Variants in ADIPOR2 observed in about 807,000 individuals in gnomAD.
The protein encoded by ADIPOR2 is adiponectin receptor protein 2.
ADIPOR2 carries 18 observed loss-of-function variants against 40.9 expected under a neutral mutation model. That is an observed-to-expected ratio of 0.44 (90% CI 0.30 to 0.65). The LOEUF (loss-of-function observed/expected upper bound fraction) is 0.65, where lower values mean the gene tolerates loss of function less well. ADIPOR2 is among the 30% of genes least tolerant of loss of function. The pLI, the probability that ADIPOR2 is intolerant of heterozygous loss-of-function variation, is 0.09. For missense variants in ADIPOR2, 283 were observed against 479.2 expected (o/e 0.59, Z 3.82); for synonymous variants, 165 against 166.4 (o/e 0.99, Z 0.06).
Position 1,788,202 on chromosome 12 carries a change from C to T in ADIPOR2, c.*2130C>T, listed in dbSNP as rs971828894. Reference sequence around the variant, plus strand: ...GATCTGGTTCAACATAGCACAAACCCTTAGGAAAAATGAAATTAACATCAC... The same window carrying T: ...GATCTGGTTCAACATAGCACAAACCTTTAGGAAAAATGAAATTAACATCAC... On this transcript the variant is annotated 3_prime_UTR_variant, in exon 8 of 8. Coordinates refer to ENST00000357103, the MANE Select transcript of ADIPOR2 (RefSeq NM_024551.3). 6.6e-6 allele frequency: 1 copy of T among 152,652 alleles called. No individual in the cohort carries two copies. Among genetic ancestry groups the T allele is most frequent in the Non-Finnish European group, 1.5e-5 (1 of 68,062 alleles). The allele number at this position is 152,652 out of a possible 1,614,324, so 9.5% of individuals were successfully genotyped here.
intron 1 of ADIPOR2, among the ~76,000 whole-genome samples, chr12:1,722,709 A>G (rs770697280): frequency 5.3e-5 from 8 of 152,204 alleles, no homozygotes; most frequent in Non-Finnish European, 1.0e-4. Flanking sequence ...ACTTGCCTGG[A>G]TACAGTTATT....
intron 2 of ADIPOR2, among the ~76,000 whole-genome samples, chr12:1,770,428 G>A (rs1862474362): frequency 6.6e-6 from 1 of 152,174 alleles, no homozygotes. Context: ...TCAAATACAT[G>A]TTGAATATGT....
chr12:1,725,042 A>G (rs899427881), intron 1 of ADIPOR2, among the ~76,000 whole-genome samples: 2 of 152,150 alleles, frequency 1.3e-5, no homozygotes, highest in African/African-American at 2.4e-5. Context: ...TATACACAAT[A>G]CAGCAGTATA....
intron 1 of ADIPOR2, among the ~76,000 whole-genome samples, chr12:1,740,343 A>G (rs2094740035): frequency 6.6e-6 from 1 of 152,228 alleles, no homozygotes; most frequent in Admixed American, 6.5e-5. Context: ...TAGAGTTTCA[A>G]GATCAACATG....
At chr12:1,773,055 T>A in intron 3 of ADIPOR2, 94 bp downstream of exon 3, 1 of 1,433,308 alleles carries the variant, frequency 7.0e-7, no homozygotes, top group Non-Finnish European at 9.3e-7. Context: ...TAGCCTTTGG[T>A]TTGCTTTGGG....
rs374984352 is a variant in ADIPOR2, at chr12:1,786,039, C to T, written c.1128C>T (p.Ile376=). 4.2e-5 allele frequency: 68 copies of T among 1,614,036 alleles called. No individual in the cohort carries two copies. The highest frequency in any genetic ancestry group is 1.2e-4 in the Admixed American group (7 of 60,018). The change falls in exon 8 of 8, where the codon ATC becomes ATT. Residue 376 remains isoleucine (I), a synonymous_variant. Coordinates refer to ENST00000357103, the MANE Select transcript of ADIPOR2 (RefSeq NM_024551.3). ...ACCTCCAGGAGTTTCGTTTCATGAT[C>T]GGCGGGGGCTGCAGTGAAGAGGATG... ...VSNLQEFRFM[I]GGGCSEEDAL
At chr12:1,724,053 C>T (rs1833067233) in intron 1 of ADIPOR2, among the ~76,000 whole-genome samples, 1 of 151,664 alleles carries the variant, frequency 6.6e-6, no homozygotes, top group Non-Finnish European at 1.5e-5. Flanking sequence ...GTGATCTTGG[C>T]TCACCGCAAC....
intron 1 of ADIPOR2, among the ~76,000 whole-genome samples, chr12:1,723,159 T>C (rs1261539373): frequency 6.6e-6 from 1 of 152,212 alleles, no homozygotes; most frequent in Non-Finnish European, 1.5e-5. Context: ...CCAGAGAATG[T>C]AAGCAGATTG....
rs571931238 is a variant in ADIPOR2, at chr12:1,757,759, A to T, written c.171+3245A>T. On this transcript the variant is annotated intron_variant, in intron 2 of 7. Coordinates refer to ENST00000357103, the MANE Select transcript of ADIPOR2 (RefSeq NM_024551.3). The stretch of plus-strand genomic sequence containing the variant: ...CTTGTCAATGCTGATGACATCCATG[A>T]ATCCAGCAGGGTAGGTTATATGAGT... The T allele has an allele frequency of 1.3e-4, 144 of 1,138,516 alleles. 2 individuals are homozygous for T. The highest frequency in any genetic ancestry group is 6.8e-4 in the South Asian group (55 of 81,446). 70.5% of individuals were successfully genotyped at this position (1,138,516 alleles called of 1,614,324 possible).
intron 7 of ADIPOR2, among the ~76,000 whole-genome samples, chr12:1,784,359 A>C (rs1862787386): frequency 6.6e-6 from 1 of 152,256 alleles, no homozygotes; most frequent in East Asian, 1.9e-4. Context: ...CATTTTACAA[A>C]GCAGGAGACT....
intron 1 of ADIPOR2, among the ~76,000 whole-genome samples, chr12:1,694,373 A>G (rs1452773374): frequency 3.9e-5 from 6 of 152,260 alleles, no homozygotes; most frequent in Non-Finnish European, 8.8e-5. Context: ...GTGAATATCA[A>G]GATGCACAGA....
chr12:1,777,766 C>G (rs1432744609), intron 3 of ADIPOR2, 88 bp from the exon 4 acceptor site: 6 of 1,242,822 alleles, frequency 4.8e-6, no homozygotes, highest in African/African-American at 3.0e-5. Context: ...CATTATAAAA[C>G]AGTGTGATAA....
intron 1 of ADIPOR2, among the ~76,000 whole-genome samples, chr12:1,693,037 C>T (rs753827388): frequency 6.6e-6 from 1 of 152,092 alleles, no homozygotes; most frequent in Non-Finnish European, 1.5e-5. Context: ...CTCTTGTTAT[C>T]CCAGCTGCCC....
At chr12:1,707,202 A>G (rs1185886507) in intron 1 of ADIPOR2, among the ~76,000 whole-genome samples, 3 of 152,094 alleles carry the variant, frequency 2.0e-5, no homozygotes, top group East Asian at 3.8e-4. Context: ...GTTTTTGGCT[A>G]TTATGATTAA....
rs1339655112 is a variant in ADIPOR2, at chr12:1,786,666, A to C, written c.*594A>C. ...CATGCAAGTACCACACACTGTTTGAATTTTGCACAAAAAGTGACTGTAGGA... is the reference window on the plus strand; with the variant it reads ...CATGCAAGTACCACACACTGTTTGACTTTTGCACAAAAAGTGACTGTAGGA... On this transcript the variant is annotated 3_prime_UTR_variant, in exon 8 of 8. Coordinates refer to ENST00000357103, the MANE Select transcript of ADIPOR2 (RefSeq NM_024551.3). 6.5e-6 allele frequency: 1 copy of C among 152,820 alleles called. No homozygotes were observed. The highest frequency in any genetic ancestry group is 1.5e-5 in the Non-Finnish European group (1 of 68,194). The allele number at this position is 152,820 out of a possible 1,614,324, so 9.5% of individuals were successfully genotyped here. A position where few individuals can be genotyped will look rare whatever the true frequency, so the allele number is the denominator to read the frequency against.
In ADIPOR2 at chr12:1,755,081, C is replaced by CT. The variant is rs1233884339; in HGVS notation, c.171+577dup. 4.7e-3 allele frequency among the ~76,000 whole-genome samples: 539 copies of CT among 114,732 alleles called. 48 individuals carry two copies. The highest frequency in any genetic ancestry group is 0.013 in the African/African-American group (506 of 37,772). The allele number at this position is 114,732 out of a possible 152,430, so 75.3% of individuals were successfully genotyped here. A position where few individuals can be genotyped will look rare whatever the true frequency, so the allele number is the denominator to read the frequency against. On this transcript the variant is annotated intron_variant, in intron 2 of 7. Transcript: ENST00000357103. ...TATGGTTAATGTCTTTCTGCTGACT[C>CT]TTTTTTTTTTAATTTCGGAGACGGA...
chr12:1,758,362 T>G (rs1862192742), intron 2 of ADIPOR2, among the ~76,000 whole-genome samples: 1 of 152,222 alleles, frequency 6.6e-6, no homozygotes, highest in African/African-American at 2.4e-5. Flanking sequence ...GATTTTTCTA[T>G]GAGGAGCCAA....
intron 2 of ADIPOR2, among the ~76,000 whole-genome samples, chr12:1,769,078 T>C (rs1052244227): frequency 6.6e-6 from 1 of 152,212 alleles, no homozygotes; most frequent in Non-Finnish European, 1.5e-5. Flanking sequence ...ATACAATTTA[T>C]TGTTCAGAGA....
chr12:1,702,044 C>G (rs1565630073), intron 1 of ADIPOR2, among the ~76,000 whole-genome samples: 1 of 152,092 alleles, frequency 6.6e-6, no homozygotes, highest in Non-Finnish European at 1.5e-5. Context: ...ATCGCTTGAA[C>G]CTGGGAGGCA....
Sources: allele counts gnomAD v4.1 joint callset (sites outside exome capture counted in the v4.1 genomes callset), GRCh38; gene constraint gnomAD v4.1.1; transcripts MANE v1.5; gene names NCBI Gene and HGNC (gene_info 2026-07-23, HGNC 2026-07-21).